Variants in NRXN3 observed in about 807,000 individuals in gnomAD.
NRXN3 encodes the protein neurexin 3.
A neutral mutation model predicts 137.6 loss-of-function variants in NRXN3; 32 were observed. That is an observed-to-expected ratio of 0.23 (90% CI 0.18 to 0.31). The LOEUF (loss-of-function observed/expected upper bound fraction) is 0.31. NRXN3 is among the 10% of genes least tolerant of loss of function. The pLI, the probability that NRXN3 is intolerant of heterozygous loss-of-function variation, is 1.00. For synonymous variants in NRXN3, 798 were observed against 784.5 expected, an observed-to-expected ratio of 1.02 and a Z score of -0.29; for missense variants, 1,574 against 2,062.5, an observed-to-expected ratio of 0.76 and a Z score of 4.59.
chr14:79,730,603 G>A (rs920182253), intron 19 of NRXN3, among the ~76,000 whole-genome samples: 14 of 152,166 alleles, frequency 9.2e-5, no homozygotes, highest in Non-Finnish European at 7.3e-5. Flanking sequence ...TTTATGCAGT[G>A]AGTACATTTT....
chr14:78,180,390 T>A (rs2059703835), intron 1 of NRXN3, among the ~76,000 whole-genome samples: 1 of 152,170 alleles, frequency 6.6e-6, no homozygotes. Flanking sequence ...AAGAACCATT[T>A]GATATTTTCT....
chr14:79,270,025 CA>C (rs2079069004), intron 15 of NRXN3, among the ~76,000 whole-genome samples: 1 of 152,086 alleles, frequency 6.6e-6, no homozygotes, highest in South Asian at 2.1e-4. Flanking sequence ...GTTTGAGCCT[CA>C]AAATAAGGCC....
At chr14:78,186,218 C>T (rs1430626191) in intron 1 of NRXN3, among the ~76,000 whole-genome samples, 1 of 152,230 alleles carries the variant, frequency 6.6e-6, no homozygotes, top group African/African-American at 2.4e-5. Flanking sequence ...AGGACCCAGC[C>T]AGTCTTCGTT....
At chr14:79,831,237 C>T (rs2242649) in intron 20 of NRXN3, among the ~76,000 whole-genome samples, 91,402 of 152,124 alleles carry the variant, frequency 0.6, 27,918 homozygotes, top group African/African-American at 0.72. Flanking sequence ...TGAAGCTTAA[C>T]AGAACTGCAG....
intron 4 of NRXN3, among the ~76,000 whole-genome samples, chr14:78,523,437 C>T (rs950350941): frequency 6.6e-6 from 1 of 152,066 alleles, no homozygotes; most frequent in Non-Finnish European, 1.5e-5. Context: ...CTTTCTCTGC[C>T]TCATAAATCA....
intron 4 of NRXN3, among the ~76,000 whole-genome samples, chr14:78,411,322 T>C (rs2092816807): frequency 6.6e-6 from 1 of 152,200 alleles, no homozygotes; most frequent in Non-Finnish European, 1.5e-5. Context: ...TTTTGAGCAG[T>C]TGCATCAAAT....
At chr14:79,755,735 G>A (rs1021486943) in intron 19 of NRXN3, among the ~76,000 whole-genome samples, 1 of 152,072 alleles carries the variant, frequency 6.6e-6, no homozygotes, top group South Asian at 2.1e-4. Flanking sequence ...TGCTAGGCAG[G>A]TTCCTGAATA....
intron 19 of NRXN3, among the ~76,000 whole-genome samples, chr14:79,795,424 A>G (rs756564527): frequency 6.6e-5 from 10 of 152,102 alleles, no homozygotes; most frequent in Non-Finnish European, 1.3e-4. Context: ...CCATCCTCCC[A>G]CATTTCTCTG....
chr14:79,783,852 G>T (rs1190337648), intron 19 of NRXN3, among the ~76,000 whole-genome samples: 1 of 151,982 alleles, frequency 6.6e-6, no homozygotes, highest in African/African-American at 2.4e-5. Context: ...TGACCTTTTT[G>T]ATTTTGCCTC....
intron 15 of NRXN3, among the ~76,000 whole-genome samples, chr14:79,361,993 TATA>T (rs894711796): frequency 8.1e-5 from 9 of 111,784 alleles, no homozygotes; most frequent in African/African-American, 2.7e-4. Context: ...ATTCTACTTT[TATA>T]ATTATTATTA....
intron 4 of NRXN3, among the ~76,000 whole-genome samples, chr14:78,471,578 C>A (rs974557350): frequency 6.6e-6 from 1 of 152,056 alleles, no homozygotes. Context: ...TGGTACTGAC[C>A]CTCCTGGGAC....
chr14:79,427,143 C>G (rs959802266), intron 15 of NRXN3, among the ~76,000 whole-genome samples: 1 of 152,030 alleles, frequency 6.6e-6, no homozygotes, highest in African/African-American at 2.4e-5. Flanking sequence ...TTTTAAGAGG[C>G]GTGTTTCAAC....
rs758515536 is a variant in NRXN3, at chr14:78,387,252, A to G, written c.757+89392A>G. Among the ~76,000 whole-genome samples the G allele has an allele frequency of 6.4e-4, 98 of 152,272 alleles. 1 individual carries two copies. Among genetic ancestry groups the G allele is most frequent in the South Asian group, 8.3e-4 (4 of 4,818 alleles). On this transcript the variant is annotated intron_variant, in intron 4 of 20. Coordinates refer to ENST00000335750, the MANE Select transcript of NRXN3 (RefSeq NM_001330195.2). ...TTACTTAATTTGGAGAATGTCTTTCATCCTCATAAAAAAAGTACCAAAGTA... is the reference window on the plus strand; with the variant it reads ...TTACTTAATTTGGAGAATGTCTTTCGTCCTCATAAAAAAAGTACCAAAGTA...
chr14:79,716,964 A>G (rs1157287410), intron 19 of NRXN3, among the ~76,000 whole-genome samples: 2 of 152,174 alleles, frequency 1.3e-5, no homozygotes, highest in Non-Finnish European at 2.9e-5. Context: ...CTTTGCCCAG[A>G]TAAGTTCTTC....
intron 15 of NRXN3, among the ~76,000 whole-genome samples, chr14:79,072,890 T>TG (rs993224571): frequency 1.3e-5 from 2 of 151,206 alleles, no homozygotes; most frequent in African/African-American, 4.9e-5. Context: ...CTCTCTCTTT[T>TG]TTTTTTTTTT....
intron 2 of NRXN3, among the ~76,000 whole-genome samples, chr14:78,264,255 CCTT>C (rs2071312783): frequency 6.6e-6 from 1 of 152,130 alleles, no homozygotes; most frequent in African/African-American, 2.4e-5. Context: ...GTGCCTTCCT[CCTT>C]CTAGCTTCTG....
At chr14:78,419,269 C>T (rs903601549) in intron 4 of NRXN3, among the ~76,000 whole-genome samples, 15 of 152,078 alleles carry the variant, frequency 9.9e-5, no homozygotes, top group African/African-American at 3.6e-4. Context: ...GATAGGGTCT[C>T]ACTCTGTCAC....
At chr14:78,719,913 G>A (rs1253206057) in intron 8 of NRXN3, among the ~76,000 whole-genome samples, 2 of 152,124 alleles carry the variant, frequency 1.3e-5, no homozygotes, top group Non-Finnish European at 2.9e-5. Flanking sequence ...CCTCATTCCT[G>A]TTTTGGTAAA....
At chr14:79,567,092 T>C (rs2097557680) in intron 16 of NRXN3, among the ~76,000 whole-genome samples, 1 of 152,104 alleles carries the variant, frequency 6.6e-6, no homozygotes, top group Admixed American at 6.6e-5. Context: ...TGATATCTGC[T>C]CTCTTTGCAG....
Sources: allele counts gnomAD v4.1 joint callset (sites outside exome capture counted in the v4.1 genomes callset), GRCh38; gene constraint gnomAD v4.1.1; transcripts MANE v1.5; gene names NCBI Gene and HGNC (gene_info 2026-07-23, HGNC 2026-07-21).